PCDHB4: variants seen among roughly 807,000 people sequenced by gnomAD.
PCDHB4 encodes the protein protocadherin beta-4.
For missense variants in PCDHB4, 1,063 were observed against 1,007.0 expected (o/e 1.06, Z -0.75); for synonymous variants, 482 against 447.3 (o/e 1.08, Z -0.98).
rs143623441 is a variant in PCDHB4 at position 141,122,893 on chromosome 5, G to A, written c.895G>A (p.Glu299Lys). 9 of 1,610,304 alleles carry A rather than the reference G, an allele frequency of 5.6e-6. No homozygotes were observed. The South Asian group carries it at 8.9e-5, about 16-fold the overall frequency. ...QTFSINEVTG[E>K]ILLKKKLDFE... is the part of the protein sequence containing the mutation. Reference sequence around the variant, plus strand: ...TTTCTCAATAAATGAAGTCACGGGAGAAATACTGTTGAAAAAAAAATTGGA... The same window carrying A: ...TTTCTCAATAAATGAAGTCACGGGAAAAATACTGTTGAAAAAAAAATTGGA... The change falls in exon 1 of 1, where the codon GAA (glutamate) becomes AAA (lysine). Residue 299 changes from glutamate to lysine, a missense_variant. Glu to Lys is a moderately conservative substitution (Grantham distance 56). Transcript: ENST00000194152.
Position 141,122,512 on chromosome 5 carries a change from A to G in PCDHB4, c.514A>G (p.Ser172Gly). ...CAATGGTCTTCAAAAATACACAATC[A>G]GCCCCAATTCTCATTTTCACATTCT... ...GSNGLQKYTI[S>G]PNSHFHILTR... The change falls in exon 1 of 1, where the codon AGC (serine) becomes GGC (glycine). Residue 172 changes from serine (S) to glycine (G), a missense_variant. Coordinates refer to ENST00000194152, the MANE Select transcript of PCDHB4 (RefSeq NM_018938.4). The G allele has an allele frequency of 6.2e-7, 1 of 1,614,258 alleles. No homozygotes were observed. Among genetic ancestry groups the G allele is most frequent in the East Asian group, 2.2e-5 (1 of 44,882 alleles).
Position 141,123,613 on chromosome 5 carries a change from G to A in PCDHB4, c.1615G>A (p.Ala539Thr). 6.2e-7 allele frequency: 1 copy of A among 1,612,106 alleles called. No individual in the cohort carries two copies. Among genetic ancestry groups the A allele is most frequent in the Non-Finnish European group, 8.5e-7 (1 of 1,179,784 alleles). The change falls in exon 1 of 1, where the codon GCT becomes ACT. Residue 539 changes from alanine (A) to threonine (T), a missense_variant. Physicochemically the swap from Ala to Thr is moderately conservative, Grantham distance 58. Coordinates refer to ENST00000194152, the MANE Select transcript of PCDHB4 (RefSeq NM_018938.4). The stretch of plus-strand genomic sequence containing the variant: ...GGGCGCCTCAGACCGCGGTTCTCCG[G>A]CTTTGAGCAGCGAGGCGCTGGTGCG... Reference protein sequence around the residue: ...RVGASDRGSPALSSEALVRVL... With the variant: ...RVGASDRGSPTLSSEALVRVL...
rs372292910 is a variant in PCDHB4 at position 141,122,904 on chromosome 5, GA to G, written c.915del (p.Lys305AsnfsTer12). 7.9e-5 allele frequency: 126 copies of G among 1,594,630 alleles called. No individual in the cohort carries two copies. Among genetic ancestry groups the G allele is most frequent in the African/African-American group, 3.7e-4 (27 of 73,622 alleles). On this transcript the variant is annotated frameshift_variant, in exon 1 of 1. Coordinates refer to ENST00000194152, the MANE Select transcript of PCDHB4 (RefSeq NM_018938.4). LOFTEE classifies it low-confidence loss of function (END_TRUNC). ...ATGAAGTCACGGGAGAAATACTGTT[GA>G]AAAAAAAATTGGATTTCGAAAAAAT... is the stretch of plus-strand genomic sequence containing the variant. ...INEVTGEILL[K>X]KKLDFEKIKS...
rs1458035336 is a variant in PCDHB4, at chr5:141,125,247, T to C, written c.*861T>C. On this transcript the variant is annotated 3_prime_UTR_variant, in exon 1 of 1. Coordinates refer to ENST00000194152, the MANE Select transcript of PCDHB4 (RefSeq NM_018938.4). ...TCAAGACTCTTGAGAGCATCATAGG[T>C]CTCCTTGTGCTACCTTTTACTCCCT... 1 of 152,072 alleles carries C rather than the reference T, an allele frequency of 6.6e-6. No individual in the cohort carries two copies. Among genetic ancestry groups the C allele is most frequent in the Non-Finnish European group, 1.5e-5 (1 of 67,994 alleles). 9.4% of individuals were successfully genotyped at this position (152,072 alleles called of 1,614,324 possible).
chr5:141,123,287 T>C lies in PCDHB4; in HGVS notation c.1289T>C (p.Leu430Pro). The C allele has an allele frequency of 6.2e-7, 1 of 1,614,120 alleles. No individual in the cohort carries two copies. Among genetic ancestry groups the C allele is most frequent in the Non-Finnish European group, 8.5e-7 (1 of 1,180,032 alleles). ...IAVTDLGTPR[L>P]KTQQNITVQV... ...GTCACTGACTTGGGGACACCCAGGC[T>C]GAAAACCCAGCAGAACATAACCGTG... The change falls in exon 1 of 1, where the codon CTG becomes CCG. Residue 430 changes from leucine (L) to proline (P), a missense_variant. Coordinates refer to ENST00000194152, the MANE Select transcript of PCDHB4 (RefSeq NM_018938.4).
rs369263823 is a variant in PCDHB4 at position 141,122,517 on chromosome 5, C to T, written c.519C>T (p.Pro173=). 1.2e-6 allele frequency: 2 copies of T among 1,614,110 alleles called. No homozygotes were observed. Among genetic ancestry groups the T allele is most frequent in the Non-Finnish European group, 1.7e-6 (2 of 1,180,046 alleles). Residue 173 remains proline, a synonymous_variant, in exon 1 of 1, where the codon CCC becomes CCT. Transcript: ENST00000194152. The part of the protein sequence containing the change: ...SNGLQKYTIS[P]NSHFHILTRN... ...GTCTTCAAAAATACACAATCAGCCCCAATTCTCATTTTCACATTCTCACTC... is the reference window on the plus strand; with the variant it reads ...GTCTTCAAAAATACACAATCAGCCCTAATTCTCATTTTCACATTCTCACTC...
In PCDHB4 at chr5:141,124,074, G is replaced by A. The variant is rs556724572; in HGVS notation, c.2076G>A (p.Ala692=). Reference sequence around the variant, plus strand: ...CTCTCACCGTCTACCTGGTGGTGGCGTTGGCCTCGGTGTCGTCGCTCTTCC... The same window carrying A: ...CTCTCACCGTCTACCTGGTGGTGGCATTGGCCTCGGTGTCGTCGCTCTTCC... ...ADSLTVYLVV[A]LASVSSLFLF... Residue 692 remains alanine (A), a synonymous_variant, in exon 1 of 1, where the codon GCG becomes GCA. Transcript: ENST00000194152. 1.2e-5 allele frequency: 19 copies of A among 1,607,974 alleles called. No homozygotes were observed. Among genetic ancestry groups the A allele is most frequent in the South Asian group, 2.2e-5 (2 of 91,000 alleles).
rs1554274449 is a variant in PCDHB4, at chr5:141,122,964, T to C, written c.966T>C (p.Asp322=). The C allele has an allele frequency of 4.3e-6, 7 of 1,612,794 alleles. 1 individual carries two copies. The South Asian group carries it at 7.7e-5, about 18-fold the overall frequency. The stretch of plus-strand genomic sequence containing the variant: ...ACCATGTAGAAATTGAGGCCACAGA[T>C]GGAGGAGGCCTTTCTGGAAAAGGCA... ...KSYHVEIEAT[D]GGGLSGKGTV... Residue 322 remains aspartate, a synonymous_variant, in exon 1 of 1, where the codon GAT becomes GAC. Transcript: ENST00000194152.
Position 141,123,835 on chromosome 5 carries a change from C to T in PCDHB4, c.1837C>T (p.Leu613=). The T allele has an allele frequency of 1.2e-6, 2 of 1,609,152 alleles. No individual in the cohort carries two copies. Among genetic ancestry groups the T allele is most frequent in the Non-Finnish European group, 1.7e-6 (2 of 1,179,688 alleles). The change falls in exon 1 of 1, where the codon CTG becomes TTG. Residue 613 remains leucine, a synonymous_variant. Transcript: ENST00000194152. ...GCTGCTCAAGGCCACGGAGCCTGGG[C>T]TGTTCGGCGTGTGGGCGCACAATGG... ...YQLLKATEPG[L]FGVWAHNGEV...
At position 141,123,198 on chromosome 5, in the gene PCDHB4, C is replaced by T. The variant is rs545049673; in HGVS notation, c.1200C>T (p.Tyr400=). ...FILKPTLKNF[Y]TLVTERPLDR... ...TAAAACCAACTTTGAAGAATTTTTA[C>T]ACCCTGGTAACAGAGAGACCACTGG... The change falls in exon 1 of 1, where the codon TAC becomes TAT. Residue 400 remains tyrosine (Y), a synonymous_variant. Coordinates refer to ENST00000194152, the MANE Select transcript of PCDHB4 (RefSeq NM_018938.4). The T allele has an allele frequency of 1.1e-4, 175 of 1,614,068 alleles. 1 individual carries two copies. Among genetic ancestry groups the T allele is most frequent in the East Asian group, 1.3e-4 (6 of 44,888 alleles).
chr5:141,122,681 G>C lies in PCDHB4; in HGVS notation c.683G>C (p.Arg228Pro), dbSNP rs367626652. 2.4e-5 allele frequency: 39 copies of C among 1,614,154 alleles called. No individual in the cohort carries two copies. Among genetic ancestry groups the C allele is most frequent in the Non-Finnish European group, 3.2e-5 (38 of 1,180,020 alleles). ...SPPRSGTVMV[R>P]ILIMDINDNA... Reference sequence around the variant, plus strand: ...CCTAGGTCTGGCACGGTCATGGTTCGAATCCTGATCATGGACATCAATGAC... The same window carrying C: ...CCTAGGTCTGGCACGGTCATGGTTCCAATCCTGATCATGGACATCAATGAC... The change falls in exon 1 of 1, where the codon CGA becomes CCA. Residue 228 changes from arginine (R) to proline (P), a missense_variant. Coordinates refer to ENST00000194152, the MANE Select transcript of PCDHB4 (RefSeq NM_018938.4).
Position 141,122,424 on chromosome 5 carries a change from A to G in PCDHB4, c.426A>G (p.Leu142=), listed in dbSNP as rs1554274339. The change falls in exon 1 of 1, where the codon CTA becomes CTG. Residue 142 remains leucine (L), a synonymous_variant. Transcript: ENST00000194152. The part of the protein sequence containing the change: ...FPEREVLLKI[L]ENSQPGTLFP... ...AAAGGGAAGTGCTCTTGAAAATACT[A>G]GAAAATAGCCAGCCGGGTACTCTAT... is the stretch of plus-strand genomic sequence containing the variant. 6.2e-7 allele frequency: 1 copy of G among 1,614,236 alleles called. No individual in the cohort carries two copies. The highest frequency in any genetic ancestry group is 1.1e-5 in the South Asian group (1 of 91,084).
rs781822488 is a variant in PCDHB4 at position 141,122,795 on chromosome 5, G to C, written c.797G>C (p.Arg266Thr). Residue 266 changes from arginine (R) to threonine (T), a missense_variant, in exon 1 of 1, where the codon AGA becomes ACA. Physicochemically the swap from Arg to Thr is moderately conservative, Grantham distance 71. Transcript: ENST00000194152. ...TCTCCAATTGTTAGGGTCTTAGCTA[G>C]AGATATAGATGCTGGAAACTTCGGG... ...LDSPIVRVLA[R>T]DIDAGNFGSV... The C allele has an allele frequency of 1.9e-6, 3 of 1,614,150 alleles. No homozygotes were observed. Among genetic ancestry groups the C allele is most frequent in the Non-Finnish European group, 2.5e-6 (3 of 1,180,014 alleles).
chr5:141,122,096 C>T lies in PCDHB4; in HGVS notation c.98C>T (p.Ser33Phe). 1 of 1,614,148 alleles carries T rather than the reference C, an allele frequency of 6.2e-7. No homozygotes were observed. The highest frequency in any genetic ancestry group is 1.1e-5 in the South Asian group (1 of 91,064). ...SQVRLEPIRY[S>F]VLEETESGSF... ...GTTCGCCTCGAGCCTATTCGTTATT[C>T]TGTGTTGGAGGAAACAGAGAGCGGC... is the stretch of plus-strand genomic sequence containing the variant. The change falls in exon 1 of 1, where the codon TCT becomes TTT. Residue 33 changes from serine to phenylalanine, a missense_variant. Physicochemically the swap from Ser to Phe is radical, Grantham distance 155. Coordinates refer to ENST00000194152, the MANE Select transcript of PCDHB4 (RefSeq NM_018938.4).
rs111984976 is a variant in PCDHB4 at position 141,123,449 on chromosome 5, A to G, written c.1451A>G (p.Gln484Arg). The change falls in exon 1 of 1, where the codon CAG (glutamine) becomes CGG (arginine). Residue 484 changes from glutamine to arginine, a missense_variant. Physicochemically the swap from Gln to Arg is conservative, Grantham distance 43 (BLOSUM62 1). Transcript: ENST00000194152. Reference protein sequence around the residue: ...ATDRDSGTNAQVTYSLLPPQD... With the variant: ...ATDRDSGTNARVTYSLLPPQD... ...GACAGAGACTCGGGCACCAACGCCC[A>G]GGTCACCTACTCGCTGCTGCCGCCC... 5,770 of 1,613,130 alleles carry G rather than the reference A, an allele frequency of 3.6e-3. 7 individuals carry two copies. The highest frequency in any genetic ancestry group is 5.2e-3 in the Middle Eastern group (27 of 5,172).
In PCDHB4 at chr5:141,122,724, G is replaced by T; in HGVS notation, c.726G>T (p.Val242=). 1.2e-6 allele frequency: 2 copies of T among 1,614,044 alleles called. No homozygotes were observed. Among genetic ancestry groups the T allele is most frequent in the Non-Finnish European group, 1.7e-6 (2 of 1,179,974 alleles). The part of the protein sequence containing the change: ...MDINDNAPEF[V]HTPYGVQVLE... ...TCAATGACAATGCTCCTGAGTTTGT[G>T]CACACTCCATATGGGGTGCAGGTCC... The change falls in exon 1 of 1, where the codon GTG becomes GTT. Residue 242 remains valine, a synonymous_variant. Transcript: ENST00000194152.
In PCDHB4 at chr5:141,124,263, A is replaced by T. The variant is rs782397979; in HGVS notation, c.2265A>T (p.Thr755=). 1.9e-6 allele frequency: 3 copies of T among 1,614,178 alleles called. No individual in the cohort carries two copies. In the South Asian group the frequency reaches 3.3e-5, roughly 18 times the overall value. The stretch of plus-strand genomic sequence containing the variant: ...GCTACCAGTACGAGGTGTGTCTGAC[A>T]GGAGACTCTGGGACTGGTGAGTTCA... ...SQSYQYEVCL[T]GDSGTGEFKF... The change falls in exon 1 of 1, where the codon ACA becomes ACT. Residue 755 remains threonine, a synonymous_variant. Transcript: ENST00000194152.
chr5:141,122,771 C>G lies in PCDHB4; in HGVS notation c.773C>G (p.Ser258Cys). Reference protein sequence around the residue: ...VQVLENSPLDSPIVRVLARDI... With the variant: ...VQVLENSPLDCPIVRVLARDI... ...GTCCTGGAAAACAGCCCCCTAGACT[C>G]TCCAATTGTTAGGGTCTTAGCTAGA... Residue 258 changes from serine to cysteine, a missense_variant, in exon 1 of 1, where the codon TCT (serine) becomes TGT (cysteine). Physicochemically the swap from Ser to Cys is moderately radical, Grantham distance 112. Coordinates refer to ENST00000194152, the MANE Select transcript of PCDHB4 (RefSeq NM_018938.4). The G allele has an allele frequency of 1.2e-6, 2 of 1,614,122 alleles. No homozygotes were observed. Among genetic ancestry groups the G allele is most frequent in the Non-Finnish European group, 1.7e-6 (2 of 1,180,014 alleles).
chr5:141,124,050 T>G lies in PCDHB4; in HGVS notation c.2052T>G (p.Ser684=), dbSNP rs368817063. 3.5e-4 allele frequency: 564 copies of G among 1,606,814 alleles called. 2 individuals are homozygous for G. The highest frequency in any genetic ancestry group is 4.4e-4 in the Non-Finnish European group (522 of 1,179,716). The stretch of plus-strand genomic sequence containing the variant: ...CCCCGGCCCAGGCCCAGGCCGACTC[T>G]CTCACCGTCTACCTGGTGGTGGCGT... ...EAAPAQAQAD[S]LTVYLVVALA... The change falls in exon 1 of 1, where the codon TCT becomes TCG. Residue 684 remains serine (S), a synonymous_variant. Coordinates refer to ENST00000194152, the MANE Select transcript of PCDHB4 (RefSeq NM_018938.4).
Sources: allele counts gnomAD v4.1 joint callset, GRCh38; gene constraint gnomAD v4.1.1; transcripts MANE v1.5; gene names NCBI Gene and HGNC (gene_info 2026-07-23, HGNC 2026-07-21).